TMSB15B: variants seen among roughly 807,000 people sequenced by gnomAD.
TMSB15B encodes the protein thymosin beta 15B, also known as thymosin beta-15B.
chrX:103,936,296 T>C (rs2074997651), intron 1 of TMSB15B, among the ~76,000 whole-genome samples: 2 of 111,988 alleles, frequency 1.8e-5, no homozygotes, highest in Non-Finnish European at 3.8e-5. Context: ...TGGAATGTTT[T>C]TCCATTTGTT....
At position 103,928,257 on chromosome X, in the gene TMSB15B, G is replaced by A. The variant is rs2147817745; in HGVS notation, c.-721+8965G>A. On this transcript the variant is annotated intron_variant, in intron 1 of 3. Transcript: ENST00000419165. ...TTTCCTATCTATAAGGTTGTGTTTC[G>A]GCAACAGATCCATGCCATGGCAGTG... is the stretch of plus-strand genomic sequence containing the variant. 6 of 1,206,233 alleles carry A rather than the reference G, an allele frequency of 5.0e-6. No homozygotes were observed. The East Asian group carries it at 8.9e-5, about 18-fold the overall frequency.
At chrX:103,923,318 G>A (rs1556318187) in intron 1 of TMSB15B, among the ~76,000 whole-genome samples, 1 of 111,853 alleles carries the variant, frequency 8.9e-6, no homozygotes, top group Non-Finnish European at 1.9e-5. Flanking sequence ...TTTTCTTCTA[G>A]GGTTTTTATG....
chrX:103,926,359 TG>T (rs1182097345), intron 1 of TMSB15B, among the ~76,000 whole-genome samples: 137 of 73,895 alleles, frequency 1.9e-3, no homozygotes, highest in Non-Finnish European at 3.0e-3. Context: ...ATGGATGGAG[TG>T]GGGTGGGGTA....
chrX:103,945,120 T>G (rs1334270859), intron 1 of TMSB15B, among the ~76,000 whole-genome samples: 9 of 112,943 alleles, frequency 8.0e-5, no homozygotes, highest in African/African-American at 2.3e-4. Context: ...CTGTATCTGT[T>G]TTCTTCACAT....
rs1211857149 is a variant in TMSB15B, at chrX:103,928,623, T to C, written c.-721+9331T>C. 3.4e-6 allele frequency: 4 copies of C among 1,161,913 alleles called. No individual in the cohort carries two copies. In the African/African-American group the frequency reaches 5.3e-5, roughly 16 times the overall value. ...GGCGGCTGTCACGGGGCTACTACCA[T>C]GGTTTCTGGCCTGTCCTGGCCAGGA... On this transcript the variant is annotated intron_variant, in intron 1 of 3. Coordinates refer to the TMSB15B transcript ENST00000419165.
chrX:103,938,257 G>A lies in TMSB15B; in HGVS notation c.-721+18965G>A, dbSNP rs1187242512. Among the ~76,000 whole-genome samples, 6 of 111,691 alleles carry A rather than the reference G, an allele frequency of 5.4e-5. No homozygotes were observed. In the East Asian group the frequency reaches 1.7e-3, roughly 31 times the overall value. On this transcript the variant is annotated intron_variant, in intron 1 of 3. Coordinates refer to the TMSB15B transcript ENST00000419165. The stretch of plus-strand genomic sequence containing the variant: ...CTCGTTGATCTGTCTAATATTGAAA[G>A]TGGGTTGTTAAAGTCTCCCACTATT...
chrX:103,922,085 CTT>C (rs782307917), intron 1 of TMSB15B, among the ~76,000 whole-genome samples: 14 of 102,654 alleles, frequency 1.4e-4, no homozygotes, highest in East Asian at 6.1e-4. Flanking sequence ...CTCTCTCTCT[CTT>C]TTTTTTTTTT....
chrX:103,948,284 G>A (rs782715723), intron 1 of TMSB15B, among the ~76,000 whole-genome samples: 13 of 112,171 alleles, frequency 1.2e-4, no homozygotes, highest in South Asian at 1.1e-3. Flanking sequence ...GGCTAAACAC[G>A]TCTGAAAATA....
intron 1 of TMSB15B, among the ~76,000 whole-genome samples, chrX:103,930,725 G>GATAATA (rs10681462): frequency 0.022 from 2,029 of 92,958 alleles, 30 homozygotes; most frequent in African/African-American, 0.034. Flanking sequence ...TGATGCTGTT[G>GATAATA]ATAATAATAA....
At chrX:103,936,137 C>T (rs1264978735) in intron 1 of TMSB15B, among the ~76,000 whole-genome samples, 12 of 111,103 alleles carry the variant, frequency 1.1e-4, no homozygotes, top group Admixed American at 1.9e-4. Context: ...TGAGTCACCG[C>T]GCCCAGCTTC....
intron 1 of TMSB15B, among the ~76,000 whole-genome samples, chrX:103,938,742 A>G (rs1385505208): frequency 6.3e-5 from 7 of 111,894 alleles, no homozygotes; most frequent in African/African-American, 2.3e-4. Context: ...GCAGTTTCTC[A>G]TAGTGTCGAT....
chrX:103,941,240 A>G (rs1224746110), intron 1 of TMSB15B, among the ~76,000 whole-genome samples: 1 of 112,110 alleles, frequency 8.9e-6, no homozygotes, highest in Admixed American at 9.4e-5. Context: ...TTCTTTATCC[A>G]TTTATTGATT....
intron 1 of TMSB15B, among the ~76,000 whole-genome samples, chrX:103,936,632 C>A (rs1222577188): frequency 8.9e-6 from 1 of 111,949 alleles, no homozygotes; most frequent in Non-Finnish European, 1.9e-5. Context: ...TTTGAATACG[C>A]TTTATTGGTT....
intron 1 of TMSB15B, among the ~76,000 whole-genome samples, chrX:103,924,109 G>A (rs1182947938): frequency 2.7e-5 from 3 of 111,624 alleles, no homozygotes; most frequent in African/African-American, 9.8e-5. Context: ...CTTGGCCAAG[G>A]TTATAAAGCT....
chrX:103,925,259 A>G (rs185240462), intron 1 of TMSB15B, among the ~76,000 whole-genome samples: 16 of 112,367 alleles, frequency 1.4e-4, no homozygotes, highest in African/African-American at 5.2e-4. Context: ...ACAATTAAGT[A>G]AGTGGCAGAG....
chrX:103,945,247 C>T (rs1401954306), intron 1 of TMSB15B, among the ~76,000 whole-genome samples: 1 of 112,250 alleles, frequency 8.9e-6, no homozygotes, highest in Non-Finnish European at 1.9e-5. Context: ...TAAGTGAATA[C>T]CTGAAACTGG....
intron 1 of TMSB15B, among the ~76,000 whole-genome samples, chrX:103,941,078 C>T (rs1419650502): frequency 9.0e-6 from 1 of 111,641 alleles, no homozygotes; most frequent in Non-Finnish European, 1.9e-5. Context: ...GAACCTGGCA[C>T]CTCAGTTGGA....
At chrX:103,933,525 G>A (rs2074989776) in intron 1 of TMSB15B, among the ~76,000 whole-genome samples, 1 of 111,543 alleles carries the variant, frequency 9.0e-6, no homozygotes, top group African/African-American at 3.3e-5. Flanking sequence ...TTCCATCTTA[G>A]GGTTAGCCCC....
chrX:103,942,141 T>G (rs1194800143), intron 1 of TMSB15B, among the ~76,000 whole-genome samples: 4 of 112,134 alleles, frequency 3.6e-5, no homozygotes, highest in African/African-American at 1.3e-4. Context: ...TCAATCCTTT[T>G]TTATGGTAAG....
Sources: gnomAD v4.1 joint callset for allele counts (sites outside exome capture counted in the v4.1 genomes callset) on GRCh38, gnomAD v4.1.1 for gene constraint, MANE v1.5 for transcripts, NCBI Gene and HGNC (gene_info 2026-07-23, HGNC 2026-07-21) for gene names.